KNL1: variants seen among roughly 807,000 people sequenced by gnomAD.
The protein encoded by KNL1 is outer kinetochore KNL1 complex subunit KNL1.
A neutral mutation model predicts 201.3 loss-of-function variants in KNL1; 66 were observed. The ratio of observed to expected loss-of-function variants is 0.33; its 90% CI spans 0.27 to 0.40. KNL1 has a LOEUF of 0.40. Ranked by LOEUF, KNL1 falls within the 10% of genes least tolerant of loss-of-function variation. The pLI is 1.00. For missense variants in KNL1, 2,815 were observed against 2,690.5 expected (o/e 1.05, Z -1.02); for synonymous variants, 895 against 899.2 (o/e 1.00, Z 0.08).
At chr15:40,655,292 G>A (rs766880729) in intron 22 of KNL1, among the ~76,000 whole-genome samples, 1 of 148,862 alleles carries the variant, frequency 6.7e-6, no homozygotes. Context: ...GTGAGACCTT[G>A]TCTCAAAAAT....
chr15:40,638,643 C>G (rs1376042740), intron 13 of KNL1, among the ~76,000 whole-genome samples: 2 of 151,784 alleles, frequency 1.3e-5, no homozygotes, highest in African/African-American at 2.4e-5. Flanking sequence ...GGGTGCCCAC[C>G]ACCACGCCCG....
At chr15:40,602,079 G>C (rs1490359395) in intron 1 of KNL1, among the ~76,000 whole-genome samples, 2 of 150,942 alleles carry the variant, frequency 1.3e-5, no homozygotes, top group African/African-American at 4.9e-5. Flanking sequence ...GCCCAGGCCG[G>C]ACTGTGGTGG....
rs58614880 is a variant in KNL1 at position 40,623,754 on chromosome 15, C to A, written c.3490C>A (p.Leu1164Met). Residue 1164 changes from leucine to methionine, a missense_variant, in exon 10 of 26, where the codon CTG becomes ATG. This residue lies in a region of KNL1 where 2,464 missense variants were observed against 2,291.7 expected (regional missense o/e 1.08). Coordinates refer to ENST00000399668, the MANE Select transcript of KNL1 (RefSeq NM_144508.5). ...TVLFTDNYSD[L>M]EVTDSHTVFI... Reference sequence around the variant, plus strand: ...ATTGTTCACAGATAATTACAGTGATCTGGAAGTCACCGATTCCCATACTGT... The same window carrying A: ...ATTGTTCACAGATAATTACAGTGATATGGAAGTCACCGATTCCCATACTGT... 1.4e-5 allele frequency: 22 copies of A among 1,613,830 alleles called. No homozygotes were observed. The highest frequency in any genetic ancestry group is 3.4e-6 in the Non-Finnish European group (4 of 1,179,896).
intron 4 of KNL1, among the ~76,000 whole-genome samples, chr15:40,607,220 G>A (rs1339516055): frequency 6.6e-6 from 1 of 152,174 alleles, no homozygotes; most frequent in East Asian, 1.9e-4. Context: ...CATGTCAGAT[G>A]TATAATGTGC....
intron 13 of KNL1, among the ~76,000 whole-genome samples, chr15:40,632,294 A>T (rs1892933417): frequency 6.6e-6 from 1 of 151,712 alleles, no homozygotes; most frequent in African/African-American, 2.4e-5. Flanking sequence ...AAGAAAACGT[A>T]CTCATAGATT....
intron 2 of KNL1, among the ~76,000 whole-genome samples, chr15:40,603,306 C>T (rs969598356): frequency 6.6e-6 from 1 of 152,140 alleles, no homozygotes; most frequent in Non-Finnish European, 1.5e-5. Flanking sequence ...TCTCATTGTT[C>T]AATTTCCACC....
At chr15:40,601,733 A>G (rs1891797491) in intron 1 of KNL1, among the ~76,000 whole-genome samples, 2 of 149,434 alleles carry the variant, frequency 1.3e-5, no homozygotes, top group South Asian at 4.4e-4. Flanking sequence ...AGGCAGGAGA[A>G]TGGAGAATGG....
At chr15:40,600,599 A>G (rs982288428) in intron 1 of KNL1, among the ~76,000 whole-genome samples, 19 of 152,208 alleles carry the variant, frequency 1.2e-4, no homozygotes, top group African/African-American at 4.6e-4. Context: ...AGCACATCAA[A>G]TATCTTTCAG....
chr15:40,653,601 C>T (rs926271078), intron 21 of KNL1, among the ~76,000 whole-genome samples: 4 of 152,154 alleles, frequency 2.6e-5, no homozygotes, highest in African/African-American at 7.2e-5. Context: ...TATGGATCTT[C>T]TCCTCCTCCT....
chr15:40,613,250 A>AGT lies in KNL1; in HGVS notation c.284+1740_284+1741insTG, dbSNP rs370945576. On this transcript the variant is annotated intron_variant, in intron 7 of 25. Transcript: ENST00000399668. ...CTTGGGTAAAACAGGGAAGAAGAAAAGCGTGTGTGTGTGTGTGTATCTTCT... is the reference window on the plus strand; with the variant it reads ...CTTGGGTAAAACAGGGAAGAAGAAAAGTGCGTGTGTGTGTGTGTGTATCTTCT... Among the ~76,000 whole-genome samples, 741 of 151,826 alleles carry AGT rather than the reference A, an allele frequency of 4.9e-3. 2 individuals carry two copies. Among genetic ancestry groups the AGT allele is most frequent in the African/African-American group, 0.014 (600 of 41,430 alleles).
intron 1 of KNL1, among the ~76,000 whole-genome samples, chr15:40,599,544 C>T (rs1222335453): frequency 2.7e-5 from 4 of 150,872 alleles, no homozygotes; most frequent in Non-Finnish European, 4.4e-5. Flanking sequence ...CCACCATACC[C>T]GGCTAAGTTT....
chr15:40,625,560 CAAG>C lies in KNL1; in HGVS notation c.5307_5309del (p.Glu1769del), dbSNP rs745589916. The C allele has an allele frequency of 3.9e-5, 62 of 1,606,158 alleles. No individual in the cohort carries two copies. The highest frequency in any genetic ancestry group is 2.7e-4 in the South Asian group (24 of 89,646). On this transcript the variant is annotated inframe_deletion, in exon 10 of 26. Transcript: ENST00000399668. ...CAATAGCCAAAAAAGAACGTGGGTACAAGAAGAAGAAGATATTCATAAGGAGAA... is the reference window on the plus strand; with the variant it reads ...CAATAGCCAAAAAAGAACGTGGGTACAAGAAGAAGATATTCATAAGGAGAA...
intron 5 of KNL1, among the ~76,000 whole-genome samples, chr15:40,609,127 G>A (rs151219001): frequency 6.6e-6 from 1 of 151,980 alleles, no homozygotes; most frequent in Non-Finnish European, 1.5e-5. Context: ...TGTACTAGGG[G>A]CCGGGTGTGC....
intron 7 of KNL1, among the ~76,000 whole-genome samples, chr15:40,613,667 C>T (rs940574323): frequency 6.6e-6 from 1 of 152,120 alleles, no homozygotes; most frequent in African/African-American, 2.4e-5. Flanking sequence ...AGTATAATGG[C>T]ATGATCTTGG....
At chr15:40,661,142 G>A (rs997887354) in intron 25 of KNL1, among the ~76,000 whole-genome samples, 1 of 152,176 alleles carries the variant, frequency 6.6e-6, no homozygotes, top group Non-Finnish European at 1.5e-5. Context: ...GGGAGGCCAA[G>A]GTGGGCAGAT....
chr15:40,595,118 A>G (rs574618874), intron 1 of KNL1, among the ~76,000 whole-genome samples: 1 of 152,378 alleles, frequency 6.6e-6, no homozygotes, highest in South Asian at 2.1e-4. Context: ...ATGAAGACCA[A>G]AGCAGAAGCT....
At chr15:40,616,314 A>G (rs2141713908) in intron 8 of KNL1, among the ~76,000 whole-genome samples, 1 of 150,616 alleles carries the variant, frequency 6.6e-6, no homozygotes, top group African/African-American at 2.4e-5. Context: ...TTTAGTAGAG[A>G]CAGGGTTTCT....
At chr15:40,610,540 A>C (rs28693388) in intron 6 of KNL1, among the ~76,000 whole-genome samples, 1 of 152,128 alleles carries the variant, frequency 6.6e-6, no homozygotes, top group Non-Finnish European at 1.5e-5. Flanking sequence ...TCTACAAAAA[A>C]TAAAAAATTA....
At position 40,625,571 on chromosome 15, in the gene KNL1, A is replaced by G; in HGVS notation, c.5307A>G (p.Glu1769=). 6.2e-7 allele frequency: 1 copy of G among 1,606,168 alleles called. No individual in the cohort carries two copies. The highest frequency in any genetic ancestry group is 8.5e-7 in the Non-Finnish European group (1 of 1,178,030). ...SQKRTWVQEE[E]DIHKEKKIRK... ...AAAGAACGTGGGTACAAGAAGAAGA[A>G]GATATTCATAAGGAGAAAAAAATCA... The change falls in exon 10 of 26, where the codon GAA becomes GAG. Residue 1769 remains glutamate, a synonymous_variant. Transcript: ENST00000399668.
Sources: allele counts gnomAD v4.1 joint callset (sites outside exome capture counted in the v4.1 genomes callset), GRCh38; gene constraint gnomAD v4.1.1; regional missense constraint gnomAD v4.1.1; transcripts MANE v1.5; gene names NCBI Gene and HGNC (gene_info 2026-07-23, HGNC 2026-07-21).